Variants in C5 observed in about 807,000 individuals in gnomAD.
C5 encodes complement C5, also known as C3 and PZP-like alpha-2-macroglobulin domain-containing protein 4.
Under a neutral mutation model 218.8 loss-of-function variants are expected in C5, and 140 were observed. The observed-to-expected ratio is 0.64, with a 90% confidence interval of 0.56 to 0.74. C5 has a LOEUF of 0.74. Among genes scored for constraint, C5 ranks in the 30% least tolerant of loss-of-function variants. The pLI is 0.00. For missense variants in C5, 1,700 were observed against 1,969.6 expected (o/e 0.86, Z 2.59); for synonymous variants, 614 against 682.3 (o/e 0.90, Z 1.56).
chr9:121,072,891 T>C, the C5 span, among the ~76,000 whole-genome samples: 1 of 151,694 alleles, frequency 6.6e-6, no homozygotes, highest in East Asian at 1.9e-4. Flanking sequence ...AAATTCTGCG[T>C]TTAAACTCCA....
At chr9:120,967,168 G>T (rs1168874693) in intron 33 of C5, among the ~76,000 whole-genome samples, 1 of 151,436 alleles carries the variant, frequency 6.6e-6, no homozygotes, top group Non-Finnish European at 1.5e-5. Flanking sequence ...GCTGAGGAAG[G>T]AGAATCACCT....
At chr9:120,971,171 C>CAAA (rs1156915974) in intron 31 of C5, among the ~76,000 whole-genome samples, 80 of 57,880 alleles carry the variant, frequency 1.4e-3, no homozygotes, top group African/African-American at 3.4e-3. Context: ...GACTCCATCT[C>CAAA]AAAAAAAAAA....
At chr9:121,052,285 C>T (rs3761850), upstream of C5, among the ~76,000 whole-genome samples, 18,153 of 151,628 alleles carry the variant, frequency 0.12, 1,566 homozygotes, top group African/African-American at 0.24. Flanking sequence ...GGCGAAAACC[C>T]GCCTCTACTA....
At chr9:120,955,997 T>C (rs926612327) in intron 39 of C5, among the ~76,000 whole-genome samples, 1 of 152,118 alleles carries the variant, frequency 6.6e-6, no homozygotes, top group Admixed American at 6.5e-5. Context: ...TTGCAAAATT[T>C]ATATCAATCG....
the C5 span, among the ~76,000 whole-genome samples, chr9:121,071,736 T>C: frequency 1.3e-5 from 2 of 152,136 alleles, no homozygotes; most frequent in South Asian, 4.1e-4. Context: ...GAAATGGCAA[T>C]AATGAAAGTT....
chr9:121,044,376 T>C (rs2109891), intron 2 of C5, among the ~76,000 whole-genome samples: 1,639 of 152,220 alleles, frequency 0.011, 33 homozygotes, highest in African/African-American at 0.038. Context: ...CTTGAGAGGC[T>C]GAGGTGGGAG....
At chr9:120,997,962 C>T (rs538471494) in intron 20 of C5, among the ~76,000 whole-genome samples, 188 bp from the exon 21 acceptor site, 1 of 152,206 alleles carries the variant, frequency 6.6e-6, no homozygotes, top group South Asian at 2.1e-4. Context: ...GCCACCACAC[C>T]CAGCTAATTT....
the C5 span, chr9:121,074,746 C>T: frequency 3.8e-5 from 17 of 452,524 alleles, no homozygotes; most frequent in Non-Finnish European, 5.7e-5. Flanking sequence ...CTGCACCCGA[C>T]ACTTCACCTG....
chr9:121,008,479 T>C lies in C5; in HGVS notation c.2277A>G (p.Pro759=). Residue 759 remains proline, a synonymous_variant, in exon 18 of 41, where the codon CCA becomes CCG. Transcript: ENST00000223642. ...AACTCCGAATTTCTGGCTTGCTTAC[T>C]GGTAACAGGGTCTTCATGTCTGGAC... ...LGRLHMKTLL[P]VSKPEIRSYF... The C allele has an allele frequency of 6.2e-7, 1 of 1,613,568 alleles. No homozygotes were observed. The highest frequency in any genetic ancestry group is 1.1e-5 in the South Asian group (1 of 91,074).
intron 3 of C5, among the ~76,000 whole-genome samples, chr9:121,041,297 C>CTTTTTTTTTTTTTTTTTTTT (rs386416117): frequency 2.8e-5 from 2 of 72,678 alleles, no homozygotes; most frequent in Non-Finnish European, 4.8e-5. Flanking sequence ...TACATGAAGC[C>CTTTTTTTTTTTTTTTTTTTT]TTTTTTTTTT....
At chr9:121,019,009 T>C (rs929927173) in intron 12 of C5, among the ~76,000 whole-genome samples, 30 of 152,078 alleles carry the variant, frequency 2.0e-4, no homozygotes, top group African/African-American at 6.5e-4. Context: ...CCAAAAACTG[T>C]TCAAAGTCAT....
At chr9:121,048,715 T>A (rs536573186) in intron 1 of C5, among the ~76,000 whole-genome samples, 76 of 151,426 alleles carry the variant, frequency 5.0e-4, no homozygotes, top group African/African-American at 1.8e-3. Context: ...TCTATCCATA[T>A]AAATAATTTC....
chr9:121,000,504 A>G (rs543919945), intron 20 of C5, among the ~76,000 whole-genome samples: 8 of 152,312 alleles, frequency 5.3e-5, no homozygotes, highest in African/African-American at 1.9e-4. Flanking sequence ...TGGAAATTCA[A>G]TATATATGGG....
At position 120,980,304 on chromosome 9, in the gene C5, C is replaced by T. The variant is rs768305390; in HGVS notation, c.3487-50G>A. ...GTTTCTATGTCAAGCAACCACCTAT[C>T]AATTGATATGAACTACCCTCAGATC... On this transcript the variant is annotated intron_variant, in intron 27 of 40. Coordinates refer to ENST00000223642, the MANE Select transcript of C5 (RefSeq NM_001735.3). 13 of 1,516,700 alleles carry T rather than the reference C, an allele frequency of 8.6e-6. 1 individual carries two copies. The South Asian group carries it at 1.5e-4, about 17-fold the overall frequency. The allele number at this position is 1,516,700 out of a possible 1,614,324, so 94.0% of individuals were successfully genotyped here. A position where few individuals can be genotyped will look rare whatever the true frequency, so the allele number is the denominator to read the frequency against.
intron 38 of C5, among the ~76,000 whole-genome samples, chr9:120,958,842 G>A (rs1050377145): frequency 2.0e-5 from 3 of 151,994 alleles, no homozygotes; most frequent in South Asian, 2.1e-4. Context: ...TGTCACTCAG[G>A]CTGGAGTGCA....
chr9:120,980,335 A>C, intron 27 of C5, 81 bp from the exon 28 acceptor site: 1 of 1,232,986 alleles, frequency 8.1e-7, no homozygotes, highest in Non-Finnish European at 1.2e-6. Flanking sequence ...AGATCCCACT[A>C]TCCTGGAGCA....
chr9:121,072,226 A>C, the C5 span, among the ~76,000 whole-genome samples: 211 of 152,206 alleles, frequency 1.4e-3, no homozygotes, highest in African/African-American at 4.5e-3. Context: ...CCAAGAGAAA[A>C]GTGTTTTGCG....
In C5 at chr9:121,035,969, G is replaced by C. The variant is rs151310848; in HGVS notation, c.493-1075C>G. On this transcript the variant is annotated intron_variant, in intron 4 of 40. Transcript: ENST00000223642. ...GGAAGCTGAGGTGGGAGGATGGCTTGAGCCCAGGAGTTTGAGGCTACAGTG... is the reference window on the plus strand; with the variant it reads ...GGAAGCTGAGGTGGGAGGATGGCTTCAGCCCAGGAGTTTGAGGCTACAGTG... Among the ~76,000 whole-genome samples the C allele has an allele frequency of 5.9e-3, 890 of 151,948 alleles. 8 individuals carry two copies. Among genetic ancestry groups the C allele is most frequent in the African/African-American group, 0.02 (825 of 41,468 alleles).
intron 20 of C5, among the ~76,000 whole-genome samples, chr9:121,003,015 G>T (rs190541665): frequency 6.6e-6 from 1 of 152,088 alleles, no homozygotes; most frequent in East Asian, 1.9e-4. Flanking sequence ...AATACTGGCC[G>T]GGAACAGTGG....
Sources: allele counts gnomAD v4.1 joint callset (sites outside exome capture counted in the v4.1 genomes callset), GRCh38; gene constraint gnomAD v4.1.1; transcripts MANE v1.5; gene names NCBI Gene and HGNC (gene_info 2026-07-23, HGNC 2026-07-21).